Variants in KIAA0586 observed in about 807,000 individuals in gnomAD.
The protein encoded by KIAA0586 is KIAA0586.
A neutral mutation model predicts 169.8 loss-of-function variants in KIAA0586; 144 were observed. The ratio of observed to expected loss-of-function variants is 0.85; its 90% CI spans 0.74 to 0.97. KIAA0586 has a LOEUF of 0.97. Ranked by LOEUF, KIAA0586 falls within the 50% of genes least tolerant of loss-of-function variation. The pLI is 0.00. For synonymous variants in KIAA0586, 625 were observed against 612.4 expected (o/e 1.02, Z -0.30); for missense variants, 1,854 against 1,823.0 (o/e 1.02, Z -0.31).
In KIAA0586 at chr14:58,444,110, A is replaced by G; in HGVS notation, c.742A>G (p.Asn248Asp). Residue 248 changes from asparagine to aspartate, a missense_variant, in exon 6 of 31, where the codon AAT (asparagine) becomes GAT (aspartate). By Grantham distance (23) the Asn-to-Asp change is conservative. Transcript: ENST00000652326. ...TTGTCATGATCACGAAAAGCAAATG[A>G]ATGTGTTTATGGAGCAGCACATAAG... The part of the protein sequence containing the change: ...LHCHDHEKQM[N>D]VFMEQHIRHL... 6.2e-7 allele frequency: 1 copy of G among 1,613,768 alleles called. No homozygotes were observed. Among genetic ancestry groups the G allele is most frequent in the Non-Finnish European group, 8.5e-7 (1 of 1,179,750 alleles).
rs139645182 is a variant in KIAA0586 at position 58,542,327 on chromosome 14, A to G, written c.4495+2191A>G. Among the ~76,000 whole-genome samples the G allele has an allele frequency of 7.3e-3, 1,117 of 152,220 alleles. 11 individuals are homozygous for G. The highest frequency in any genetic ancestry group is 0.026 in the African/African-American group (1,063 of 41,532). On this transcript the variant is annotated intron_variant, in intron 30 of 30. Transcript: ENST00000652326. Reference sequence around the variant, plus strand: ...CCCCGTCTCTACTAAAAATACAATAATTAGCTGGGTGCGGTGGCACACGCC... The same window carrying G: ...CCCCGTCTCTACTAAAAATACAATAGTTAGCTGGGTGCGGTGGCACACGCC...
chr14:58,521,804 GAA>G (rs2045249876), intron 29 of KIAA0586: 3 of 821,440 alleles, frequency 3.7e-6, no homozygotes, highest in Non-Finnish European at 6.5e-6. Flanking sequence ...GTTCCATGAA[GAA>G]AGATGAGACT....
downstream of KIAA0586, among the ~76,000 whole-genome samples, chr14:58,552,587 G>A (rs1486018353): frequency 6.6e-6 from 1 of 152,128 alleles, no homozygotes; most frequent in East Asian, 1.9e-4. Context: ...CTGGAATTCA[G>A]GGACCCCTAA....
intron 21 of KIAA0586, among the ~76,000 whole-genome samples, chr14:58,484,699 ACTT>A (rs1266027417): frequency 6.0e-5 from 9 of 150,514 alleles, no homozygotes; most frequent in Non-Finnish European, 7.4e-5. Flanking sequence ...GACATAGTGT[ACTT>A]CTTTCATTTT....
At chr14:58,452,237 T>C (rs1288007045) in intron 8 of KIAA0586, among the ~76,000 whole-genome samples, 2 of 151,990 alleles carry the variant, frequency 1.3e-5, no homozygotes, top group Non-Finnish European at 2.9e-5. Context: ...AAAGAACTTA[T>C]TCATGTAACC....
intron 21 of KIAA0586, 59 bp downstream of exon 21, chr14:58,482,771 G>A (rs2042124982): frequency 8.7e-7 from 1 of 1,149,198 alleles, no homozygotes; most frequent in East Asian, 2.6e-5. Flanking sequence ...ATTTTAAGCT[G>A]CATACCATAA....
intron 28 of KIAA0586, 31 bp from the exon 29 acceptor site, chr14:58,512,491 A>G (rs2044459395): frequency 5.9e-6 from 7 of 1,187,064 alleles, no homozygotes; most frequent in Non-Finnish European, 8.1e-6. Flanking sequence ...CTAAAAAATA[A>G]TATTATGACT....
intron 27 of KIAA0586, among the ~76,000 whole-genome samples, chr14:58,506,190 A>C (rs2043927234): frequency 6.6e-6 from 1 of 152,166 alleles, no homozygotes; most frequent in Non-Finnish European, 1.5e-5. Context: ...AAAAATGTTG[A>C]ACAAGTCACA....
At chr14:58,551,560 G>A (rs1595573103), downstream of KIAA0586, among the ~76,000 whole-genome samples, 2 of 151,898 alleles carry the variant, frequency 1.3e-5, no homozygotes, top group East Asian at 2.0e-4. Flanking sequence ...TCAGGAGTTC[G>A]AGACCAGTCT....
chr14:58,447,722 C>G (rs2039021318), intron 6 of KIAA0586, among the ~76,000 whole-genome samples: 1 of 152,064 alleles, frequency 6.6e-6, no homozygotes, highest in Non-Finnish European at 1.5e-5. Context: ...CTCAGGTGAT[C>G]CATTTGCCTT....
At position 58,428,232 on chromosome 14, in the gene KIAA0586, C is replaced by A. The variant is rs1246692312; in HGVS notation, c.-33C>A. 1.9e-6 allele frequency: 3 copies of A among 1,602,032 alleles called. No individual in the cohort carries two copies. Among genetic ancestry groups the A allele is most frequent in the Admixed American group, 3.5e-5 (2 of 57,078 alleles). ...AGGAAACAGAGAAAGTTTTTCCGTC[C>A]TTAAGTGTGGGACTTGTTTTGTGAC... On this transcript the variant is annotated 5_prime_UTR_variant, in exon 1 of 31. Transcript: ENST00000652326.
At chr14:58,472,463 T>A (rs550479223) in intron 18 of KIAA0586, among the ~76,000 whole-genome samples, 184 bp downstream of exon 18, 1 of 152,246 alleles carries the variant, frequency 6.6e-6, no homozygotes, top group South Asian at 2.1e-4. Context: ...CTATATCACC[T>A]ATCTGCCTTC....
chr14:58,483,124 G>GGGT (rs2042148964), intron 21 of KIAA0586, among the ~76,000 whole-genome samples: 1 of 151,280 alleles, frequency 6.6e-6, no homozygotes, highest in Admixed American at 6.6e-5. Context: ...GACTCTCACA[G>GGGT]TTGGCCCTGT....
chr14:58,464,003 C>G, intron 14 of KIAA0586: 1 of 453,976 alleles, frequency 2.2e-6, no homozygotes, highest in Non-Finnish European at 4.5e-6. Context: ...ACCCCTGCAG[C>G]AGATGCAAGA....
At chr14:58,556,903 G>A in the KIAA0586 span, among the ~76,000 whole-genome samples, 11 of 152,046 alleles carry the variant, frequency 7.2e-5, no homozygotes, top group African/African-American at 2.7e-4. Flanking sequence ...GTGCCACCAC[G>A]CCCGGCTAAT....
intron 29 of KIAA0586, among the ~76,000 whole-genome samples, chr14:58,534,690 G>T (rs1032886179): frequency 1.2e-4 from 19 of 152,222 alleles, no homozygotes; most frequent in Middle Eastern, 3.4e-3. Context: ...ATTCATCTTT[G>T]TAGTCAGCAG....
In KIAA0586 at chr14:58,487,144, G is replaced by C; in HGVS notation, c.3282G>C (p.Val1094=). Residue 1094 remains valine, a synonymous_variant, in exon 22 of 31, where the codon GTG becomes GTC. Transcript: ENST00000652326. ...CDSDHDMAFP[V]KEICAEKGDD... ...CGGATCATGATATGGCTTTTCCTGTGAAAGAAATATGTGCTGAAAAAGGTA... is the reference window on the plus strand; with the variant it reads ...CGGATCATGATATGGCTTTTCCTGTCAAAGAAATATGTGCTGAAAAAGGTA... 1 of 1,611,544 alleles carries C rather than the reference G, an allele frequency of 6.2e-7. No homozygotes were observed. The highest frequency in any genetic ancestry group is 1.1e-5 in the South Asian group (1 of 90,312).
At chr14:58,431,962 G>A (rs982159985) in intron 3 of KIAA0586, among the ~76,000 whole-genome samples, 19 of 152,062 alleles carry the variant, frequency 1.2e-4, no homozygotes, top group African/African-American at 4.6e-4. Flanking sequence ...CAGATCTAGG[G>A]GCATTTTGTA....
At chr14:58,480,555 A>G (rs1296130631) in intron 20 of KIAA0586, among the ~76,000 whole-genome samples, 1 of 152,068 alleles carries the variant, frequency 6.6e-6, no homozygotes, top group Non-Finnish European at 1.5e-5. Flanking sequence ...GTTGATGAAT[A>G]TTGTGCTTGA....
Sources: allele counts gnomAD v4.1 joint callset (sites outside exome capture counted in the v4.1 genomes callset), GRCh38; gene constraint gnomAD v4.1.1; transcripts MANE v1.5; gene names NCBI Gene and HGNC (gene_info 2026-07-23, HGNC 2026-07-21).